GMDS: variants seen among roughly 807,000 people sequenced by gnomAD.
The protein encoded by GMDS is GDP-mannose 4,6-dehydratase, also known as GDP-mannose 4,6 dehydratase.
Under a neutral mutation model 49.9 loss-of-function variants are expected in GMDS, and 20 were observed. The observed-to-expected ratio is 0.40, with a 90% CI of 0.28 to 0.58. The LOEUF (loss-of-function observed/expected upper bound fraction) is 0.58. Ranked by LOEUF, GMDS falls within the 20% of genes least tolerant of loss-of-function variation. The probability of loss-of-function intolerance (pLI) is 0.42; values close to 1 mark genes in which losing one functional copy is unlikely to be tolerated. For synonymous variants in GMDS, 177 were observed against 178.6 expected, an observed-to-expected ratio of 0.99 and a Z score of 0.07; for missense variants, 362 against 481.4, an observed-to-expected ratio of 0.75 and a Z score of 2.32.
chr6:1,760,657 T>G, intron 7 of GMDS, among the ~76,000 whole-genome samples: 1 of 152,204 alleles, frequency 6.6e-6, no homozygotes. Flanking sequence ...CTATGCAACT[T>G]GTTGGTTAAA....
chr6:2,200,285 A>T (rs1282112251), intron 1 of GMDS, among the ~76,000 whole-genome samples: 1 of 152,180 alleles, frequency 6.6e-6, no homozygotes, highest in African/African-American at 2.4e-5. Flanking sequence ...CCTCAGTAGA[A>T]GATGACATGT....
intron 9 of GMDS, among the ~76,000 whole-genome samples, chr6:1,630,908 CG>C (rs1167634152): frequency 6.6e-6 from 1 of 151,852 alleles, no homozygotes; most frequent in Non-Finnish European, 1.5e-5. Flanking sequence ...AGTTGTGATG[CG>C]GGGGCCATTT....
intron 7 of GMDS, among the ~76,000 whole-genome samples, chr6:1,816,879 G>C (rs950917051): frequency 7.3e-5 from 11 of 151,474 alleles, no homozygotes; most frequent in Non-Finnish European, 1.3e-4. Flanking sequence ...TTCAATGGAA[G>C]GGGGGTGGTA....
intron 4 of GMDS, among the ~76,000 whole-genome samples, chr6:2,038,712 C>A (rs879278851): frequency 6.6e-6 from 1 of 152,038 alleles, no homozygotes; most frequent in Non-Finnish European, 1.5e-5. Context: ...GTAACATAAG[C>A]ACATAAATTT....
intron 9 of GMDS, among the ~76,000 whole-genome samples, chr6:1,688,082 T>C (rs1451369104): frequency 3.3e-5 from 5 of 152,252 alleles, no homozygotes; most frequent in Non-Finnish European, 7.4e-5. Context: ...ATGGCGGCTT[T>C]GTTTAGCGGG....
At chr6:1,952,794 A>C (rs189401432) in intron 6 of GMDS, among the ~76,000 whole-genome samples, 3 of 152,274 alleles carry the variant, frequency 2.0e-5, no homozygotes, top group African/African-American at 7.2e-5. Context: ...CAGACTGAGT[A>C]AATGTCCCAT....
chr6:1,962,006 CCA>C (rs1298810524), intron 4 of GMDS, among the ~76,000 whole-genome samples: 3 of 152,178 alleles, frequency 2.0e-5, no homozygotes, highest in Admixed American at 6.5e-5. Flanking sequence ...TATGTTTCAT[CCA>C]CAGTCTTTCA....
Position 1,640,305 on chromosome 6 carries a change from T to G in GMDS, c.988-15765A>C, listed in dbSNP as rs1763290042. Among the ~76,000 whole-genome samples the G allele has an allele frequency of 6.6e-6, 1 of 152,168 alleles. No homozygotes were observed. Among genetic ancestry groups the G allele is most frequent in the Admixed American group, 6.5e-5 (1 of 15,278 alleles). ...GTGCCCGTGGAGAAGCACATGGGAT[T>G]TAGGGTCACAGAGACTTAGGTTGAC... On this transcript the variant is annotated intron_variant, in intron 9 of 10. Coordinates refer to ENST00000380815, the MANE Select transcript of GMDS (RefSeq NM_001500.4). The surrounding 1 kb of genome is among the most constrained non-coding windows in gnomAD (Gnocchi z 4.0).
At chr6:2,050,613 G>A (rs776394587) in intron 4 of GMDS, among the ~76,000 whole-genome samples, 8 of 152,236 alleles carry the variant, frequency 5.3e-5, no homozygotes, top group South Asian at 2.1e-4. Context: ...GATGAACATC[G>A]ATGTGAAAAA....
chr6:1,931,744 C>G (rs1323149404), intron 6 of GMDS, among the ~76,000 whole-genome samples: 1 of 152,162 alleles, frequency 6.6e-6, no homozygotes, highest in African/African-American at 2.4e-5. Context: ...TGATGGCAAA[C>G]TATTAAATGA....
intron 4 of GMDS, among the ~76,000 whole-genome samples, chr6:2,023,311 G>C (rs1206364902): frequency 6.6e-6 from 1 of 152,206 alleles, no homozygotes; most frequent in Admixed American, 6.5e-5. Flanking sequence ...CATTAATGAT[G>C]ATGGCCATAA....
intron 4 of GMDS, among the ~76,000 whole-genome samples, chr6:1,962,762 T>C (rs180696706): frequency 2.0e-5 from 3 of 152,056 alleles, no homozygotes; most frequent in Non-Finnish European, 4.4e-5. Context: ...TATATATATA[T>C]ACATATGCAT....
At chr6:1,628,496 A>AT (rs1407718699) in intron 9 of GMDS, among the ~76,000 whole-genome samples, 1 of 152,198 alleles carries the variant, frequency 6.6e-6, no homozygotes, top group East Asian at 1.9e-4. Context: ...ACATAGGATG[A>AT]TTTTTTGAGG....
At chr6:2,100,113 A>T (rs1773838750) in intron 4 of GMDS, among the ~76,000 whole-genome samples, 1 of 152,094 alleles carries the variant, frequency 6.6e-6, no homozygotes, top group Admixed American at 6.5e-5. Flanking sequence ...TTACATGATT[A>T]TAAAAATTCT....
intron 1 of GMDS, among the ~76,000 whole-genome samples, chr6:2,229,408 C>CAAAAA (rs1210456971): frequency 1.2e-4 from 11 of 89,212 alleles, no homozygotes; most frequent in South Asian, 7.0e-4. Flanking sequence ...CCTGTTTCTA[C>CAAAAA]AAAAAAAAAA....
chr6:1,667,719 T>C (rs995577218), intron 9 of GMDS, among the ~76,000 whole-genome samples: 3 of 151,980 alleles, frequency 2.0e-5, no homozygotes, highest in African/African-American at 7.3e-5. Flanking sequence ...TTTTTTGGTC[T>C]GAGACACTTT....
rs76130177 is a variant in GMDS at position 1,889,939 on chromosome 6, T to C, written c.771+40164A>G. ...GGTTCATCCACATTGCAGTGTCCAT[T>C]AGTGCTTTTTATGGTTGAATAATAT... On this transcript the variant is annotated intron_variant, in intron 7 of 10. Coordinates refer to ENST00000380815, the MANE Select transcript of GMDS (RefSeq NM_001500.4). 7.3e-3 allele frequency among the ~76,000 whole-genome samples: 1,119 copies of C among 152,286 alleles called. 8 individuals are homozygous for C. Among genetic ancestry groups the C allele is most frequent in the African/African-American group, 0.023 (963 of 41,534 alleles).
At chr6:1,872,910 T>C (rs1758848355) in intron 7 of GMDS, among the ~76,000 whole-genome samples, 2 of 152,236 alleles carry the variant, frequency 1.3e-5, no homozygotes, top group Admixed American at 6.5e-5. Context: ...GCCTTGCTGT[T>C]GTAAGCAGCC....
intron 7 of GMDS, among the ~76,000 whole-genome samples, chr6:1,824,783 T>C (rs1436909095): frequency 6.6e-6 from 1 of 152,200 alleles, no homozygotes; most frequent in African/African-American, 2.4e-5. Context: ...CTGGTACTTT[T>C]TAAGTGCTCA....
Sources: gnomAD v4.1 joint callset for allele counts (sites outside exome capture counted in the v4.1 genomes callset) on GRCh38, gnomAD v4.1.1 for gene constraint, Gnocchi (gnomAD v3.1) non-coding constraint, MANE v1.5 for transcripts, NCBI Gene and HGNC (gene_info 2026-07-23, HGNC 2026-07-21) for gene names.